SNX29: variants seen among roughly 807,000 people sequenced by gnomAD.
SNX29 encodes sorting nexin-29.
Under a neutral mutation model 102.1 loss-of-function variants are expected in SNX29, and 78 were observed. That is an observed-to-expected ratio of 0.76 (90% CI 0.64 to 0.92). The LOEUF (loss-of-function observed/expected upper bound fraction) is 0.92, where lower values mean the gene tolerates loss of function less well. Among genes scored for constraint, SNX29 ranks in the 40% least tolerant of loss-of-function variants. The probability of loss-of-function intolerance (pLI) is 0.00; values close to 1 mark genes in which losing one functional copy is unlikely to be tolerated. For missense variants in SNX29, 1,280 were observed against 1,061.7 expected (o/e 1.21, Z -2.86); for synonymous variants, 580 against 414.5 (o/e 1.40, Z -4.85).
At chr16:12,065,318 T>C (rs1596749713) in intron 9 of SNX29, among the ~76,000 whole-genome samples, 1 of 152,254 alleles carries the variant, frequency 6.6e-6, no homozygotes, top group East Asian at 1.9e-4. Flanking sequence ...TGCTTTCCAG[T>C]TGCAAGGAAG....
chr16:12,544,503 T>G (rs1394979054), intron 20 of SNX29, among the ~76,000 whole-genome samples: 1 of 152,214 alleles, frequency 6.6e-6, no homozygotes, highest in Non-Finnish European at 1.5e-5. Context: ...GGGGTCTAGA[T>G]GGCATTTTTC....
In SNX29 at chr16:12,572,032, A is replaced by C. The variant is rs560372061; in HGVS notation, c.*3403A>C. The C allele has an allele frequency of 2.8e-6, 3 of 1,063,200 alleles. No homozygotes were observed. The highest frequency in any genetic ancestry group is 1.1e-6 in the Non-Finnish European group (1 of 877,944). 65.9% of individuals were successfully genotyped at this position (1,063,200 alleles called of 1,614,324 possible). A position where few individuals can be genotyped will look rare whatever the true frequency, so the allele number is the denominator to read the frequency against. On this transcript the variant is annotated 3_prime_UTR_variant, in exon 21 of 21. Coordinates refer to ENST00000566228, the MANE Select transcript of SNX29 (RefSeq NM_032167.5). Reference sequence around the variant, plus strand: ...GGAGCTGCTGGCTATAAAAGGGATCATCCAGTGGAGTTGTAAACAAGGGAA... The same window carrying C: ...GGAGCTGCTGGCTATAAAAGGGATCCTCCAGTGGAGTTGTAAACAAGGGAA...
chr16:12,410,742 C>G (rs1378445342), intron 18 of SNX29, among the ~76,000 whole-genome samples: 20 of 152,154 alleles, frequency 1.3e-4, no homozygotes, highest in Admixed American at 1.3e-3. Context: ...CCTCTGGGGA[C>G]TTTTAAAGGT....
intron 15 of SNX29, among the ~76,000 whole-genome samples, chr16:12,308,396 T>C (rs2080413985): frequency 6.6e-6 from 1 of 152,208 alleles, no homozygotes; most frequent in African/African-American, 2.4e-5. Flanking sequence ...TGGCATGTTA[T>C]CCCTTCTGCA....
At chr16:12,532,746 A>C (rs74009122) in intron 20 of SNX29, among the ~76,000 whole-genome samples, 9,186 of 152,228 alleles carry the variant, frequency 0.06, 345 homozygotes, top group African/African-American at 0.1. Flanking sequence ...CTTGGATGGA[A>C]GCTGGGGACA....
chr16:12,281,996 A>T (rs2151026672), intron 15 of SNX29, among the ~76,000 whole-genome samples: 1 of 149,582 alleles, frequency 6.7e-6, no homozygotes, highest in Non-Finnish European at 1.5e-5. Flanking sequence ...GAGGCAGAGA[A>T]TCACTTGAAC....
intron 13 of SNX29, among the ~76,000 whole-genome samples, chr16:12,189,376 T>A (rs2076587638): frequency 6.6e-6 from 1 of 152,258 alleles, no homozygotes; most frequent in Non-Finnish European, 1.5e-5. Flanking sequence ...TTCTTGACTT[T>A]CATGACCTTG....
At chr16:12,551,666 T>G (rs1282158413) in intron 20 of SNX29, among the ~76,000 whole-genome samples, 1 of 152,216 alleles carries the variant, frequency 6.6e-6, no homozygotes, top group Non-Finnish European at 1.5e-5. Context: ...TTTCCGTTCC[T>G]GTGCAGTAGG....
chr16:12,392,073 C>T (rs936115786), intron 16 of SNX29, among the ~76,000 whole-genome samples: 3 of 152,208 alleles, frequency 2.0e-5, no homozygotes, highest in Non-Finnish European at 2.9e-5. Context: ...CATATAGACA[C>T]GTGTGTCTCC....
chr16:12,114,753 A>AT (rs1441919916), intron 11 of SNX29, among the ~76,000 whole-genome samples: 2 of 151,500 alleles, frequency 1.3e-5, no homozygotes. Flanking sequence ...TGCCTGGCTA[A>AT]TTTTTTTGTA....
intron 19 of SNX29, among the ~76,000 whole-genome samples, chr16:12,487,210 G>A (rs1056976918): frequency 1.1e-4 from 17 of 152,146 alleles, no homozygotes; most frequent in African/African-American, 3.9e-4. Context: ...GGGGCATTGG[G>A]CTGGTAGTGA....
At chr16:12,532,446 C>T (rs879940005) in intron 20 of SNX29, among the ~76,000 whole-genome samples, 2 of 152,096 alleles carry the variant, frequency 1.3e-5, no homozygotes, top group African/African-American at 4.8e-5. Flanking sequence ...TCCTACTAAG[C>T]TCAATATTAT....
chr16:12,201,486 A>C (rs2076913863), intron 14 of SNX29, among the ~76,000 whole-genome samples: 1 of 152,236 alleles, frequency 6.6e-6, no homozygotes, highest in African/African-American at 2.4e-5. Flanking sequence ...TTAGAGGCTT[A>C]GGAGAGCTTA....
At chr16:12,512,414 A>G (rs1321778099) in intron 19 of SNX29, among the ~76,000 whole-genome samples, 1 of 58,194 alleles carries the variant, frequency 1.7e-5, no homozygotes, top group Non-Finnish European at 3.3e-5. Flanking sequence ...ATATATATAT[A>G]TATAGTTTTC....
intron 15 of SNX29, among the ~76,000 whole-genome samples, chr16:12,307,771 C>T (rs1025077805): frequency 3.3e-5 from 5 of 152,204 alleles, no homozygotes; most frequent in African/African-American, 1.2e-4. Context: ...GGCTGGTAGG[C>T]ACCAATGTAG....
intron 1 of SNX29, chr16:11,983,608 T>C (rs1005114934): frequency 2.0e-6 from 2 of 981,342 alleles, no homozygotes; most frequent in African/African-American, 3.5e-5. Context: ...GAAGTACATG[T>C]TCTACCATCA....
intron 19 of SNX29, among the ~76,000 whole-genome samples, chr16:12,510,030 G>C (rs1257242402): frequency 6.6e-6 from 1 of 152,134 alleles, no homozygotes; most frequent in African/African-American, 2.4e-5. Context: ...GGCTTGGTTC[G>C]CCCAGTGCCA....
At chr16:12,319,051 C>T (rs1349118825) in intron 15 of SNX29, among the ~76,000 whole-genome samples, 1 of 152,166 alleles carries the variant, frequency 6.6e-6, no homozygotes, top group Non-Finnish European at 1.5e-5. Context: ...TCTTCACATC[C>T]CCAGTAAAAC....
chr16:12,480,593 G>T (rs2087859579), intron 19 of SNX29, among the ~76,000 whole-genome samples: 1 of 152,108 alleles, frequency 6.6e-6, no homozygotes, highest in Admixed American at 6.5e-5. Flanking sequence ...GACATCTGTG[G>T]GGGCCATTAT....
Sources: allele counts gnomAD v4.1 joint callset (sites outside exome capture counted in the v4.1 genomes callset), GRCh38; gene constraint gnomAD v4.1.1; transcripts MANE v1.5; gene names NCBI Gene and HGNC (gene_info 2026-07-23, HGNC 2026-07-21).